AGAP9: variants seen among roughly 807,000 people sequenced by gnomAD.
The protein encoded by AGAP9 is arf-GAP with GTPase, ANK repeat and PH domain-containing protein 9.
In AGAP9, 23 loss-of-function variants were observed where a neutral mutation model predicts 55.6. That is an observed-to-expected ratio of 0.41 (90% CI 0.30 to 0.59). The LOEUF (loss-of-function observed/expected upper bound fraction) is 0.59, where lower values mean the gene tolerates loss of function less well. AGAP9 is among the 20% of genes least tolerant of loss of function. The pLI is 0.25. For missense variants in AGAP9, 309 were observed against 808.1 expected, an observed-to-expected ratio of 0.38 and a Z score of 7.49; for synonymous variants, 120 against 305.0, an observed-to-expected ratio of 0.39 and a Z score of 6.32.
chr10:47,522,456 A>G (rs1264911351), intron 2 of AGAP9, among the ~76,000 whole-genome samples: 33 of 150,546 alleles, frequency 2.2e-4, no homozygotes, highest in Admixed American at 2.6e-4. Flanking sequence ...GTGACATTTT[A>G]TACCTTTCAC....
At chr10:47,510,885 C>G (rs1840601887) in intron 4 of AGAP9, among the ~76,000 whole-genome samples, 1 of 127,112 alleles carries the variant, frequency 7.9e-6, no homozygotes, top group Non-Finnish European at 1.6e-5. Flanking sequence ...ATATTTTTTT[C>G]TACAGCAATA....
chr10:47,509,390 G>A (rs1840551318), intron 5 of AGAP9, among the ~76,000 whole-genome samples: 2 of 103,076 alleles, frequency 1.9e-5, no homozygotes, highest in South Asian at 7.0e-4. Context: ...TTGTTAAAAG[G>A]GAGGGAGGAA....
intron 5 of AGAP9, among the ~76,000 whole-genome samples, chr10:47,508,029 G>A (rs1368586221): frequency 2.3e-5 from 3 of 129,516 alleles, no homozygotes; most frequent in Non-Finnish European, 4.9e-5. Context: ...CAAGAAGCTG[G>A]GACTACAAGT....
chr10:47,503,721 C>T (rs1588946117), intron 7 of AGAP9, among the ~76,000 whole-genome samples, 178 bp from the exon 8 acceptor site: 2 of 103,154 alleles, frequency 1.9e-5, no homozygotes, highest in South Asian at 5.9e-4. Flanking sequence ...GTCAGGAGTT[C>T]AAGACCATCC....
intron 3 of AGAP9, among the ~76,000 whole-genome samples, chr10:47,519,207 C>G (rs1459080093): frequency 1.5e-5 from 2 of 133,472 alleles, no homozygotes; most frequent in African/African-American, 3.0e-5. Flanking sequence ...GTGGCTGAAG[C>G]CTGTAATCCC....
At chr10:47,513,059 G>T (rs1476143391) in intron 4 of AGAP9, among the ~76,000 whole-genome samples, 3 of 134,158 alleles carry the variant, frequency 2.2e-5, no homozygotes, top group African/African-American at 9.3e-5. Context: ...TTGAGATGGA[G>T]TCTTGCTCTG....
At chr10:47,511,133 C>A (rs1436976967) in intron 4 of AGAP9, among the ~76,000 whole-genome samples, 3 of 131,706 alleles carry the variant, frequency 2.3e-5, no homozygotes, top group African/African-American at 9.2e-5. Flanking sequence ...TTAGTAGAGA[C>A]GGGGTTTCAC....
chr10:47,515,952 T>A, intron 4 of AGAP9, among the ~76,000 whole-genome samples: 2 of 120,226 alleles, frequency 1.7e-5, no homozygotes, highest in Non-Finnish European at 3.4e-5. Context: ...ATCAAAACAA[T>A]AGAAAAAAGG....
intron 6 of AGAP9, among the ~76,000 whole-genome samples, chr10:47,507,083 C>T (rs1414382118): frequency 2.1e-3 from 267 of 124,770 alleles, no homozygotes; most frequent in East Asian, 4.4e-3. Flanking sequence ...AGTTTTTTTT[C>T]AATGAAAAAC....
intron 5 of AGAP9, among the ~76,000 whole-genome samples, chr10:47,509,006 A>G (rs1261793273): frequency 3.0e-5 from 4 of 134,146 alleles, no homozygotes; most frequent in African/African-American, 1.3e-4. Flanking sequence ...AATTTGTTCA[A>G]TAACTTTATT....
chr10:47,522,387 T>C (rs1840865995), intron 2 of AGAP9, among the ~76,000 whole-genome samples: 2 of 149,656 alleles, frequency 1.3e-5, no homozygotes, highest in African/African-American at 5.0e-5. Flanking sequence ...GCCTCATAGG[T>C]AAACTCCTTT....
Position 47,502,984 on chromosome 10 carries a change from G to C in AGAP9, c.1145C>G (p.Ser382Cys). Residue 382 changes from serine to cysteine, a missense_variant, in exon 8 of 8, where the codon TCC becomes TGC. Ser to Cys is a moderately radical substitution (Grantham distance 112, BLOSUM62 -1). Coordinates refer to ENST00000452145, the MANE Select transcript of AGAP9 (RefSeq NM_001190810.1). ...GDSICFSPGI[S>C]STTSPKLNPP... is the part of the protein sequence containing the mutation. Reference sequence around the variant, plus strand: ...GTTGAGCTTGGGGCTGGTGGTGCTGGAGATACCGGGGCTGAAGCATATGGA... The same window carrying C: ...GTTGAGCTTGGGGCTGGTGGTGCTGCAGATACCGGGGCTGAAGCATATGGA... The C allele has an allele frequency of 2.6e-6, 4 of 1,560,114 alleles. 1 individual carries two copies. In the South Asian group the frequency reaches 3.4e-5, roughly 13 times the overall value.
chr10:47,506,303 T>C (rs1294393320), intron 6 of AGAP9, among the ~76,000 whole-genome samples: 1 of 136,192 alleles, frequency 7.3e-6, no homozygotes, highest in Non-Finnish European at 1.6e-5. Flanking sequence ...CAACTACATA[T>C]TTGCATGAGG....
At chr10:47,503,937 CAAAAAAAA>C (rs1186798630) in intron 7 of AGAP9, among the ~76,000 whole-genome samples, 258 of 23,416 alleles carry the variant, frequency 0.011, 6 homozygotes, top group African/African-American at 0.046. Context: ...GAGAGTCCAT[CAAAAAAAA>C]AAAAAAAAAA....
intron 4 of AGAP9, among the ~76,000 whole-genome samples, chr10:47,513,354 G>T (rs1208814347): frequency 7.0e-6 from 1 of 142,100 alleles, no homozygotes; most frequent in Non-Finnish European, 1.5e-5. Context: ...TTGATATGCC[G>T]TTGGGAACTA....
rs1286447269 is a variant in AGAP9, at chr10:47,514,079, G to A, written c.396+3744C>T. Among the ~76,000 whole-genome samples the A allele has an allele frequency of 2.8e-5, 4 of 141,890 alleles. 1 individual carries two copies. The highest frequency in any genetic ancestry group is 1.0e-4 in the African/African-American group (4 of 38,938). The allele number at this position is 141,890 out of a possible 152,430, so 93.1% of individuals were successfully genotyped here. On this transcript the variant is annotated intron_variant, in intron 4 of 7. Coordinates refer to ENST00000452145, the MANE Select transcript of AGAP9 (RefSeq NM_001190810.1). ...CACAGGAAAAGGAACAATCAACAGA[G>A]TATACAGACAACCACAGAGTGGGAG...
At chr10:47,508,055 C>T (rs1840519924) in intron 5 of AGAP9, among the ~76,000 whole-genome samples, 1 of 133,484 alleles carries the variant, frequency 7.5e-6, no homozygotes, top group Non-Finnish European at 1.6e-5. Flanking sequence ...CCACTATGCC[C>T]AGATAATTTT....
At position 47,523,288 on chromosome 10, in the gene AGAP9, C is replaced by G. The variant is rs1347396758; in HGVS notation, c.223+16G>C. On this transcript the variant is annotated intron_variant, in intron 1 of 7. Coordinates refer to ENST00000452145, the MANE Select transcript of AGAP9 (RefSeq NM_001190810.1). Reference sequence around the variant, plus strand: ...AGAGGCAAACCGAGGGTAGATGGCACCTATCACCTCCTTACCTTCAGGCAT... The same window carrying G: ...AGAGGCAAACCGAGGGTAGATGGCAGCTATCACCTCCTTACCTTCAGGCAT... 6.4e-7 allele frequency: 1 copy of G among 1,573,176 alleles called. No homozygotes were observed. Among genetic ancestry groups the G allele is most frequent in the African/African-American group, 1.4e-5 (1 of 70,820 alleles).
rs1341115682 is a variant in AGAP9 at position 47,519,484 on chromosome 10, AAG to A, written c.361+1013_361+1014del. On this transcript the variant is annotated intron_variant, in intron 3 of 7. Transcript: ENST00000452145. Reference sequence around the variant, plus strand: ...CTCCATTTCAAAAAAAAAAAAAAAAAAGAGTGTGGTACCTTCCCCCTTCCCCT... The same window carrying A: ...CTCCATTTCAAAAAAAAAAAAAAAAAAGTGTGGTACCTTCCCCCTTCCCCT... Among the ~76,000 whole-genome samples, 109 of 127,042 alleles carry A rather than the reference AAG, an allele frequency of 8.6e-4. 1 individual carries two copies. Among genetic ancestry groups the A allele is most frequent in the African/African-American group, 3.1e-3 (102 of 33,252 alleles). 83.3% of individuals were successfully genotyped at this position (127,042 alleles called of 152,430 possible).
Sources: gnomAD v4.1 joint callset for allele counts (sites outside exome capture counted in the v4.1 genomes callset) on GRCh38, gnomAD v4.1.1 for gene constraint, MANE v1.5 for transcripts, NCBI Gene and HGNC (gene_info 2026-07-23, HGNC 2026-07-21) for gene names.